The following TSPAN9 variants were observed in gnomAD, a reference collection of about 807,000 sequenced individuals.
The protein encoded by TSPAN9 is tetraspanin-9.
In TSPAN9, 16 loss-of-function variants were observed where a neutral mutation model predicts 31.0. The ratio of observed to expected loss-of-function variants is 0.52; its 90% CI spans 0.35 to 0.78. The LOEUF is 0.78. Among genes scored for constraint, TSPAN9 ranks in the 30% least tolerant of loss-of-function variants. The probability of loss-of-function intolerance (pLI) is 0.01; values close to 1 mark genes in which losing one functional copy is unlikely to be tolerated. For synonymous variants in TSPAN9, 145 were observed against 121.6 expected (o/e 1.19, Z -1.27); for missense variants, 272 against 312.5 (o/e 0.87, Z 0.98).
At chr12:3,199,168 A>G (rs2098369674) in intron 2 of TSPAN9, among the ~76,000 whole-genome samples, 1 of 152,050 alleles carries the variant, frequency 6.6e-6, no homozygotes, top group Non-Finnish European at 1.5e-5. Context: ...TCCAGGGAGG[A>G]CTTTTCACAC....
intron 3 of TSPAN9, among the ~76,000 whole-genome samples, chr12:3,254,120 G>C (rs1223476590): frequency 6.6e-6 from 1 of 152,184 alleles, no homozygotes; most frequent in Admixed American, 6.5e-5. Context: ...GGAGCACCCA[G>C]CCCCGAGCCT....
At chr12:3,239,054 C>G (rs1264963900) in intron 3 of TSPAN9, among the ~76,000 whole-genome samples, 1 of 152,234 alleles carries the variant, frequency 6.6e-6, no homozygotes, top group Non-Finnish European at 1.5e-5. Flanking sequence ...GATTCATCCC[C>G]TGATCATGCC....
intron 2 of TSPAN9, among the ~76,000 whole-genome samples, chr12:3,150,785 C>G (rs745798406): frequency 6.6e-6 from 1 of 152,116 alleles, no homozygotes; most frequent in African/African-American, 2.4e-5. Flanking sequence ...TTCTTCACCC[C>G]ACGCCTGGCC....
chr12:3,208,957 C>T (rs1406845124), intron 3 of TSPAN9, among the ~76,000 whole-genome samples: 2 of 152,198 alleles, frequency 1.3e-5, no homozygotes, highest in Non-Finnish European at 2.9e-5. Context: ...CGGCGTTGTG[C>T]CAGGCGCAGG....
intron 3 of TSPAN9, among the ~76,000 whole-genome samples, chr12:3,250,548 A>T (rs926881365): frequency 6.6e-6 from 1 of 152,128 alleles, no homozygotes; most frequent in African/African-American, 2.4e-5. Context: ...CAGGGCCATT[A>T]TTCCCTTTCC....
At chr12:3,151,605 A>T (rs1004728648) in intron 2 of TSPAN9, 1 of 152,236 alleles carries the variant, frequency 6.6e-6, no homozygotes, top group Non-Finnish European at 1.5e-5. Flanking sequence ...ATGGCCTGCA[A>T]GACTTGGCTG....
intron 2 of TSPAN9, among the ~76,000 whole-genome samples, chr12:3,186,830 G>A (rs771737302): frequency 3.3e-5 from 5 of 152,172 alleles, no homozygotes; most frequent in Non-Finnish European, 5.9e-5. Context: ...TTTTACTCCT[G>A]GGGAGGAGGG....
intron 3 of TSPAN9, among the ~76,000 whole-genome samples, chr12:3,208,134 C>T (rs963349361): frequency 1.3e-5 from 2 of 152,184 alleles, no homozygotes; most frequent in Non-Finnish European, 2.9e-5. Flanking sequence ...TACTGTCGCT[C>T]CTGCGGTGAG....
At chr12:3,204,479 G>T (rs1278407263) in intron 3 of TSPAN9, among the ~76,000 whole-genome samples, 1 of 152,172 alleles carries the variant, frequency 6.6e-6, no homozygotes, top group Non-Finnish European at 1.5e-5. Flanking sequence ...ACTAAGAAAA[G>T]GGCAGGTGCC....
chr12:3,138,865 G>T (rs2153967556), intron 2 of TSPAN9, among the ~76,000 whole-genome samples: 1 of 152,256 alleles, frequency 6.6e-6, no homozygotes, highest in East Asian at 1.9e-4. Context: ...CTGGCCGAAG[G>T]TTCCAAGCCC....
At position 3,271,664 on chromosome 12, in the gene TSPAN9, TG is replaced by T. The variant is rs1477484271; in HGVS notation, c.64-6754del. 2.0e-5 allele frequency among the ~76,000 whole-genome samples: 3 copies of T among 152,312 alleles called. No homozygotes were observed. The East Asian group carries it at 5.8e-4, about 29-fold the overall frequency. On this transcript the variant is annotated intron_variant, in intron 3 of 8. Transcript: ENST00000011898. ...AAGGTGCTGTGGTCCTCCTACCTGC[TG>T]GGTGACTTCAGCAAAGATGTGTCTG...
intron 2 of TSPAN9, among the ~76,000 whole-genome samples, chr12:3,134,257 G>A (rs1025339007): frequency 5.3e-5 from 8 of 152,218 alleles, no homozygotes; most frequent in Non-Finnish European, 1.2e-4. Flanking sequence ...GAATGAATGG[G>A]TGATGGGTTG....
rs190454794 is a variant in TSPAN9 at position 3,229,742 on chromosome 12, C to T, written c.63+28486C>T. On this transcript the variant is annotated intron_variant, in intron 3 of 8. Transcript: ENST00000011898. Reference sequence around the variant, plus strand: ...AGGAAGAAGGCCTGCAGCGGTTCATCGCACCTGCCAGGCACAGCTGGGGCT... The same window carrying T: ...AGGAAGAAGGCCTGCAGCGGTTCATTGCACCTGCCAGGCACAGCTGGGGCT... Among the ~76,000 whole-genome samples the T allele has an allele frequency of 2.2e-3, 338 of 152,360 alleles. 1 individual carries two copies. The highest frequency in any genetic ancestry group is 0.01 in the Middle Eastern group (3 of 294).
chr12:3,219,120 G>T (rs753392857), intron 3 of TSPAN9, among the ~76,000 whole-genome samples: 1 of 152,240 alleles, frequency 6.6e-6, no homozygotes, highest in East Asian at 1.9e-4. Flanking sequence ...GGGGGAGGCC[G>T]GACGGTGTAG....
At chr12:3,182,119 G>A (rs1360844283) in intron 2 of TSPAN9, among the ~76,000 whole-genome samples, 1 of 152,028 alleles carries the variant, frequency 6.6e-6, no homozygotes, top group African/African-American at 2.4e-5. Flanking sequence ...CTGGACCCCC[G>A]GCCCCCAGTC....
rs1421500903 is a variant in TSPAN9, at chr12:3,197,757, T to C, written c.-17-3420T>C. 1.4e-3 allele frequency among the ~76,000 whole-genome samples: 43 copies of C among 30,994 alleles called. 1 individual carries two copies. The East Asian group carries it at 0.033, about 24-fold the overall frequency. The allele number at this position is 30,994 out of a possible 152,430, so 20.3% of individuals were successfully genotyped here. A position where few individuals can be genotyped will look rare whatever the true frequency, so the allele number is the denominator to read the frequency against. On this transcript the variant is annotated intron_variant, in intron 2 of 8. Coordinates refer to ENST00000011898, the MANE Select transcript of TSPAN9 (RefSeq NM_006675.5). Reference sequence around the variant, plus strand: ...CAGCACAGGCCACCACCAGCACAGGTCACCAGCACAGGCCACCACCAGCAC... The same window carrying C: ...CAGCACAGGCCACCACCAGCACAGGCCACCAGCACAGGCCACCACCAGCAC...
chr12:3,137,019 G>T (rs2098332465), intron 2 of TSPAN9, among the ~76,000 whole-genome samples: 1 of 152,224 alleles, frequency 6.6e-6, no homozygotes, highest in Admixed American at 6.5e-5. Context: ...CTGAATCCCA[G>T]TTGGCCTGTG....
intron 2 of TSPAN9, 147 bp from the exon 3 acceptor site, chr12:3,201,030 G>C: frequency 1.5e-6 from 1 of 682,092 alleles, no homozygotes; most frequent in Non-Finnish European, 2.5e-6. Context: ...TTCGGCCGCG[G>C]CTTCACGGCC....
chr12:3,147,312 G>A lies in TSPAN9; in HGVS notation c.-17-53865G>A, dbSNP rs1480726450. ...CCAGGGGCTGGAGAGAATGACAGGC[G>A]TCCCATGTATCCCAAAAATGCAGTG... On this transcript the variant is annotated intron_variant, in intron 2 of 8. Transcript: ENST00000011898. The surrounding 1 kb of genome is among the most constrained non-coding windows in gnomAD (Gnocchi z 4.3). 1.3e-5 allele frequency among the ~76,000 whole-genome samples: 2 copies of A among 152,064 alleles called. No homozygotes were observed. The highest frequency in any genetic ancestry group is 2.1e-4 in the South Asian group (1 of 4,820).
Sources: gnomAD v4.1 joint callset for allele counts (sites outside exome capture counted in the v4.1 genomes callset) on GRCh38, gnomAD v4.1.1 for gene constraint, Gnocchi (gnomAD v3.1) non-coding constraint, MANE v1.5 for transcripts, NCBI Gene and HGNC (gene_info 2026-07-23, HGNC 2026-07-21) for gene names.